EYS: variants seen among roughly 807,000 people sequenced by gnomAD.
The protein encoded by EYS is protein eyes shut homolog.
A neutral mutation model predicts 282.1 loss-of-function variants in EYS; 250 were observed. The ratio of observed to expected loss-of-function variants is 0.89; its 90% CI spans 0.80 to 0.98. The LOEUF (loss-of-function observed/expected upper bound fraction) is 0.98. Ranked by LOEUF, EYS falls within the 50% of genes least tolerant of loss-of-function variation. The pLI is 0.00. For missense variants in EYS, 4,016 were observed against 3,709.0 expected, an observed-to-expected ratio of 1.08 and a Z score of -2.15; for synonymous variants, 1,355 against 1,282.9, an observed-to-expected ratio of 1.06 and a Z score of -1.20.
intron 2 of EYS, among the ~76,000 whole-genome samples, chr6:65,503,001 G>A (rs1233154500): frequency 2.0e-5 from 3 of 151,414 alleles, no homozygotes; most frequent in Non-Finnish European, 4.4e-5. Context: ...CTAATTCTTT[G>A]GAATGTAATA....
At chr6:64,086,554 T>C (rs1433931780) in intron 31 of EYS, among the ~76,000 whole-genome samples, 5 of 152,192 alleles carry the variant, frequency 3.3e-5, no homozygotes, top group Non-Finnish European at 5.9e-5. Flanking sequence ...GTGTTCATAC[T>C]GTTCTATCTT....
At chr6:64,958,702 T>C (rs1359714222) in intron 14 of EYS, among the ~76,000 whole-genome samples, 1 of 110,290 alleles carries the variant, frequency 9.1e-6, no homozygotes, top group Non-Finnish European at 1.7e-5. Context: ...GCCACAGCAC[T>C]CCAGCCTGGG....
At chr6:65,113,215 C>G (rs1561972251) in intron 12 of EYS, among the ~76,000 whole-genome samples, 1 of 151,912 alleles carries the variant, frequency 6.6e-6, no homozygotes, top group Admixed American at 6.6e-5. Context: ...ATAATATTTG[C>G]AGAATCAAAG....
intron 26 of EYS, among the ~76,000 whole-genome samples, chr6:64,503,679 C>T (rs1458864532): frequency 1.3e-5 from 2 of 152,182 alleles, no homozygotes; most frequent in Non-Finnish European, 2.9e-5. Flanking sequence ...GAAAGTCCCA[C>T]AACCAAGAGA....
chr6:64,745,490 C>A (rs1209065318), intron 22 of EYS, among the ~76,000 whole-genome samples: 1 of 152,006 alleles, frequency 6.6e-6, no homozygotes, highest in African/African-American at 2.4e-5. Flanking sequence ...TATTGTATAA[C>A]CATCACCTCT....
chr6:64,255,249 T>G (rs1374857381), intron 30 of EYS, among the ~76,000 whole-genome samples: 1 of 152,002 alleles, frequency 6.6e-6, no homozygotes, highest in Non-Finnish European at 1.5e-5. Flanking sequence ...GACCCAGTCT[T>G]GCAAAAAACT....
intron 2 of EYS, among the ~76,000 whole-genome samples, chr6:65,571,998 A>AT (rs550473951): frequency 6.6e-6 from 1 of 151,874 alleles, no homozygotes; most frequent in Non-Finnish European, 1.5e-5. Context: ...ACATTAAATA[A>AT]TTTTTTTTAA....
intron 2 of EYS, among the ~76,000 whole-genome samples, chr6:65,526,666 C>T (rs1407421157): frequency 1.3e-5 from 2 of 151,990 alleles, no homozygotes; most frequent in Non-Finnish European, 2.9e-5. Flanking sequence ...ATTACCTGGG[C>T]GTGGTGTCGG....
intron 28 of EYS, among the ~76,000 whole-genome samples, chr6:64,420,519 C>G (rs1019153309): frequency 2.0e-5 from 3 of 152,106 alleles, no homozygotes; most frequent in African/African-American, 7.2e-5. Context: ...TCCACAGGCT[C>G]AACACCATAT....
intron 31 of EYS, among the ~76,000 whole-genome samples, chr6:64,162,407 A>G (rs1401200215): frequency 1.3e-5 from 2 of 152,072 alleles, no homozygotes; most frequent in African/African-American, 4.8e-5. Context: ...AACTCAGGAA[A>G]CCCCAGGAGT....
At chr6:65,116,895 C>T (rs1775391925) in intron 12 of EYS, among the ~76,000 whole-genome samples, 1 of 152,092 alleles carries the variant, frequency 6.6e-6, no homozygotes, top group South Asian at 2.1e-4. Context: ...TCCTGCCACC[C>T]TATCAGTTAC....
At chr6:65,033,634 A>C (rs1386737195) in intron 13 of EYS, among the ~76,000 whole-genome samples, 1 of 152,172 alleles carries the variant, frequency 6.6e-6, no homozygotes, top group Non-Finnish European at 1.5e-5. Context: ...ACAGAATACA[A>C]GAGTGAAGAA....
At chr6:63,910,918 A>T (rs1198056437) in intron 35 of EYS, among the ~76,000 whole-genome samples, 2 of 152,190 alleles carry the variant, frequency 1.3e-5, no homozygotes, top group Non-Finnish European at 2.9e-5. Flanking sequence ...ACTCAGCATT[A>T]ATTAAATGAA....
intron 35 of EYS, among the ~76,000 whole-genome samples, chr6:63,903,627 A>T (rs1261626471): frequency 2.6e-5 from 4 of 152,098 alleles, no homozygotes; most frequent in Non-Finnish European, 5.9e-5. Flanking sequence ...ACCCCGCTAC[A>T]CTTATAACTT....
chr6:65,117,406 G>A (rs1268676624), intron 12 of EYS, among the ~76,000 whole-genome samples: 1 of 152,146 alleles, frequency 6.6e-6, no homozygotes, highest in Non-Finnish European at 1.5e-5. Context: ...CAGAGAAAAG[G>A]CATTGAAAGA....
chr6:65,188,782 A>AG (rs1169988678), intron 12 of EYS, among the ~76,000 whole-genome samples: 1 of 150,922 alleles, frequency 6.6e-6, no homozygotes, highest in East Asian at 2.0e-4. Flanking sequence ...AAAAAAAAAA[A>AG]AGATGAAGGA....
At chr6:65,393,050 T>A (rs572007497) in intron 7 of EYS, among the ~76,000 whole-genome samples, 1 of 152,142 alleles carries the variant, frequency 6.6e-6, no homozygotes, top group South Asian at 2.1e-4. Flanking sequence ...GAAATCATCA[T>A]TCTCAGTAAA....
chr6:64,183,277 G>A (rs550584588), intron 31 of EYS, among the ~76,000 whole-genome samples: 1 of 152,268 alleles, frequency 6.6e-6, no homozygotes, highest in South Asian at 2.1e-4. Context: ...CCAGTCTCAA[G>A]TATGTCTTTA....
rs141706252 is a variant in EYS at position 63,903,138 on chromosome 6, G to A, written c.7056-38780C>T. 4.5e-4 allele frequency among the ~76,000 whole-genome samples: 68 copies of A among 152,320 alleles called. No homozygotes were observed. The East Asian group carries it at 0.012, about 27-fold the overall frequency. Reference sequence around the variant, plus strand: ...GCCAGACTAGGTCAGCTTTACAGGTGTAGGTGCAGTGGAGGAGAAAGAAAC... The same window carrying A: ...GCCAGACTAGGTCAGCTTTACAGGTATAGGTGCAGTGGAGGAGAAAGAAAC... On this transcript the variant is annotated intron_variant, in intron 35 of 42. Transcript: ENST00000503581.
Sources: allele counts gnomAD v4.1 joint callset (sites outside exome capture counted in the v4.1 genomes callset), GRCh38; gene constraint gnomAD v4.1.1; transcripts MANE v1.5; gene names NCBI Gene and HGNC (gene_info 2026-07-23, HGNC 2026-07-21).